NFAM1: variants seen among roughly 807,000 people sequenced by gnomAD.
NFAM1 encodes the protein NFAT activation molecule 1.
Under a neutral mutation model 29.0 loss-of-function variants are expected in NFAM1, and 17 were observed. The ratio of observed to expected loss-of-function variants is 0.59; its 90% CI spans 0.40 to 0.88. NFAM1 has a LOEUF of 0.88. Ranked by LOEUF, NFAM1 falls within the 40% of genes least tolerant of loss-of-function variation. NFAM1 has a pLI of 0.00. For missense variants in NFAM1, 324 were observed against 344.6 expected (o/e 0.94, Z 0.47); for synonymous variants, 175 against 147.2 (o/e 1.19, Z -1.36).
rs1077870 is a variant in NFAM1, at chr22:42,383,894, G to A, written c.*1267C>T. On this transcript the variant is annotated 3_prime_UTR_variant, in exon 6 of 6. Coordinates refer to ENST00000329021, the MANE Select transcript of NFAM1 (RefSeq NM_145912.8). ...GGGAGGAAGCAGAGCCCAACAGCCC[G>A]GGGCACCCGGACCCCAGCCACTGCC... 0.1 allele frequency: 15,262 copies of A among 152,798 alleles called. 892 individuals carry two copies. The highest frequency in any genetic ancestry group is 0.24 in the East Asian group (1,221 of 5,168). The allele number at this position is 152,798 out of a possible 1,614,324, so 9.5% of individuals were successfully genotyped here. A position where few individuals can be genotyped will look rare whatever the true frequency, so the allele number is the denominator to read the frequency against.
intron 4 of NFAM1, among the ~76,000 whole-genome samples, chr22:42,392,493 A>G (rs1929378276): frequency 6.6e-6 from 1 of 152,146 alleles, no homozygotes; most frequent in Non-Finnish European, 1.5e-5. Flanking sequence ...GCTGAAGGTG[A>G]GAGGGCTCTG....
chr22:42,386,969 G>A lies in NFAM1; in HGVS notation c.753+20C>T. ...CAGATGGAGCAAGAAGCCAGGCTTG[G>A]TGCCCCAGCGCCTGTGTACCTGGGA... On this transcript the variant is annotated intron_variant, in intron 5 of 5. Coordinates refer to ENST00000329021, the MANE Select transcript of NFAM1 (RefSeq NM_145912.8). 7.2e-7 allele frequency: 1 copy of A among 1,384,128 alleles called. No individual in the cohort carries two copies. Among genetic ancestry groups the A allele is most frequent in the Non-Finnish European group, 9.9e-7 (1 of 1,013,940 alleles). The allele number at this position is 1,384,128 out of a possible 1,614,324, so 85.7% of individuals were successfully genotyped here.
rs550366369 is a variant in NFAM1 at position 42,384,150 on chromosome 22, T to G, written c.*1011A>C. 9.2e-4 allele frequency: 140 copies of G among 152,978 alleles called. No homozygotes were observed. Among genetic ancestry groups the G allele is most frequent in the Non-Finnish European group, 4.0e-4 (27 of 68,278 alleles). The allele number at this position is 152,978 out of a possible 1,614,324, so 9.5% of individuals were successfully genotyped here. A position where few individuals can be genotyped will look rare whatever the true frequency, so the allele number is the denominator to read the frequency against. ...ACCTCAATCCACAGGGGGCCAGGGC[T>G]GCGGCCTATGGCAGATAAAGATAGA... On this transcript the variant is annotated 3_prime_UTR_variant, in exon 6 of 6. Transcript: ENST00000329021.
At chr22:42,414,233 C>T (rs1930186042) in intron 1 of NFAM1, among the ~76,000 whole-genome samples, 1 of 152,170 alleles carries the variant, frequency 6.6e-6, no homozygotes. Flanking sequence ...CACCCGGGCC[C>T]CCTCCAGGGC....
chr22:42,395,245 G>A (rs927460201), intron 4 of NFAM1, among the ~76,000 whole-genome samples: 3 of 151,698 alleles, frequency 2.0e-5, no homozygotes, highest in Non-Finnish European at 2.9e-5. Context: ...AGGCCGAGGC[G>A]GGTGGATCAC....
intron 1 of NFAM1, among the ~76,000 whole-genome samples, chr22:42,422,250 C>A (rs1314734169): frequency 6.6e-6 from 1 of 152,116 alleles, no homozygotes; most frequent in Non-Finnish European, 1.5e-5. Context: ...AGGTTTGAAT[C>A]GGGAATAAGC....
At chr22:42,396,980 C>T (rs1434576247) in intron 4 of NFAM1, among the ~76,000 whole-genome samples, 1 of 132,804 alleles carries the variant, frequency 7.5e-6, no homozygotes, top group Non-Finnish European at 1.7e-5. Context: ...ACCTGCAGGG[C>T]CCCAGAAGGG....
At chr22:42,421,101 G>A (rs1010186157) in intron 1 of NFAM1, among the ~76,000 whole-genome samples, 2 of 152,198 alleles carry the variant, frequency 1.3e-5, no homozygotes, top group Non-Finnish European at 2.9e-5. Context: ...CTGCAGCAGG[G>A]GCGGACATTT....
chr22:42,427,000 C>G (rs1446377004), intron 1 of NFAM1, among the ~76,000 whole-genome samples: 4 of 152,084 alleles, frequency 2.6e-5, no homozygotes, highest in African/African-American at 9.7e-5. Flanking sequence ...CGTGGAGGTT[C>G]AGCGTACTCC....
chr22:42,429,903 C>G (rs755809112), intron 1 of NFAM1, among the ~76,000 whole-genome samples: 1 of 152,018 alleles, frequency 6.6e-6, no homozygotes, highest in Non-Finnish European at 1.5e-5. Flanking sequence ...AGCTCTGAGA[C>G]GAGAAGGCAG....
intron 1 of NFAM1, among the ~76,000 whole-genome samples, chr22:42,422,476 C>T (rs958508442): frequency 9.9e-5 from 15 of 151,992 alleles, no homozygotes; most frequent in African/African-American, 2.9e-4. Context: ...CATGGTGGCA[C>T]GCACCTGTAG....
chr22:42,426,692 T>A (rs565508059), intron 1 of NFAM1, among the ~76,000 whole-genome samples: 2 of 152,142 alleles, frequency 1.3e-5, no homozygotes, highest in Non-Finnish European at 2.9e-5. Flanking sequence ...GAGGCCATGG[T>A]GAGCCCCTTG....
At chr22:42,430,822 G>T (rs867665217) in intron 1 of NFAM1, among the ~76,000 whole-genome samples, 2 of 152,120 alleles carry the variant, frequency 1.3e-5, no homozygotes, top group East Asian at 1.9e-4. Context: ...TTTTGGGGAG[G>T]AGGAACCACA....
chr22:42,381,195 C>A lies in NFAM1; in HGVS notation c.*3966G>T, dbSNP rs1053427442. The A allele has an allele frequency of 3.9e-5, 6 of 152,754 alleles. No homozygotes were observed. The highest frequency in any genetic ancestry group is 1.2e-4 in the African/African-American group (5 of 41,452). 9.5% of individuals were successfully genotyped at this position (152,754 alleles called of 1,614,324 possible). ...AGTGGCCTCCTAGCTTAGTTCTGGG[C>A]CCCCGCCTGCAAGCACACGTGGCAA... On this transcript the variant is annotated 3_prime_UTR_variant, in exon 6 of 6. Transcript: ENST00000329021.
chr22:42,390,241 C>A (rs2088615967), intron 4 of NFAM1, among the ~76,000 whole-genome samples: 1 of 152,100 alleles, frequency 6.6e-6, no homozygotes, highest in African/African-American at 2.4e-5. Context: ...CCCCACTTCC[C>A]TGTGCTGGGC....
intron 3 of NFAM1, among the ~76,000 whole-genome samples, chr22:42,401,848 C>T (rs565043087): frequency 3.3e-5 from 5 of 152,304 alleles, no homozygotes; most frequent in Non-Finnish European, 5.9e-5. Context: ...GCCTGTTGGG[C>T]CTCAGCTTCC....
chr22:42,386,607 C>A (rs1929154672), intron 5 of NFAM1, among the ~76,000 whole-genome samples: 1 of 152,146 alleles, frequency 6.6e-6, no homozygotes, highest in South Asian at 2.1e-4. Context: ...GTCTGACTGA[C>A]CATGTGGACA....
At chr22:42,437,545 G>A in the NFAM1 span, among the ~76,000 whole-genome samples, 1 of 152,142 alleles carries the variant, frequency 6.6e-6, no homozygotes, top group Non-Finnish European at 1.5e-5. Context: ...ACAGAACCAG[G>A]AGGCCCTCAG....
intron 3 of NFAM1, among the ~76,000 whole-genome samples, chr22:42,403,233 G>A (rs1286006497): frequency 6.6e-6 from 1 of 152,206 alleles, no homozygotes; most frequent in Non-Finnish European, 1.5e-5. Flanking sequence ...AGCTCGCAGA[G>A]GTTGGTAAGT....
Sources: gnomAD v4.1 joint callset for allele counts (sites outside exome capture counted in the v4.1 genomes callset) on GRCh38, gnomAD v4.1.1 for gene constraint, MANE v1.5 for transcripts, NCBI Gene and HGNC (gene_info 2026-07-23, HGNC 2026-07-21) for gene names.